STAB2: variants seen among roughly 807,000 people sequenced by gnomAD.
The protein encoded by STAB2 is stabilin 2.
Under a neutral mutation model 338.1 loss-of-function variants are expected in STAB2, and 288 were observed. The observed-to-expected ratio is 0.85, with a 90% CI of 0.77 to 0.94. The LOEUF (loss-of-function observed/expected upper bound fraction) is 0.94, where lower values mean the gene tolerates loss of function less well. Ranked by LOEUF, STAB2 falls within the 40% of genes least tolerant of loss-of-function variation. The pLI, the probability that STAB2 is intolerant of heterozygous loss-of-function variation, is 0.00. For missense variants in STAB2, 3,141 were observed against 3,210.1 expected (o/e 0.98, Z 0.52); for synonymous variants, 1,202 against 1,193.3 (o/e 1.01, Z -0.15).
In STAB2 at chr12:103,673,189, C is replaced by T. The variant is rs148675524; in HGVS notation, c.2372-718C>T. ...GCATGGGAGATCACTTCTATTTATT[C>T]CAGAATATCTTCATGAAAGGTGAGA... On this transcript the variant is annotated intron_variant, in intron 22 of 68. Transcript: ENST00000388887. Among the ~76,000 whole-genome samples the T allele has an allele frequency of 1.1e-3, 168 of 152,222 alleles. 1 individual carries two copies. Among genetic ancestry groups the T allele is most frequent in the African/African-American group, 3.8e-3 (158 of 41,520 alleles).
chr12:103,695,029 A>T lies in STAB2; in HGVS notation c.3376-521A>T, dbSNP rs575223435. Among the ~76,000 whole-genome samples, 15 of 152,316 alleles carry T rather than the reference A, an allele frequency of 9.8e-5. No individual in the cohort carries two copies. The South Asian group carries it at 3.1e-3, about 32-fold the overall frequency. On this transcript the variant is annotated intron_variant, in intron 31 of 68. Coordinates refer to ENST00000388887, the MANE Select transcript of STAB2 (RefSeq NM_017564.10). The stretch of plus-strand genomic sequence containing the variant: ...AGGCAATCTAAATTTATATGTAAAA[A>T]TGTCCTATTATTACATAGCACAAGC...
At chr12:103,619,516 G>GCCC (rs1456552218) in intron 3 of STAB2, among the ~76,000 whole-genome samples, 1 of 151,854 alleles carries the variant, frequency 6.6e-6, no homozygotes, top group Non-Finnish European at 1.5e-5. Context: ...ATGTCCCCCT[G>GCCC]CCCCACCATG....
At position 103,746,662 on chromosome 12, in the gene STAB2, G is replaced by A. The variant is rs763477905; in HGVS notation, c.6202G>A (p.Glu2068Lys). Residue 2068 changes from glutamate (E) to lysine (K), a missense_variant, in exon 58 of 69, where the codon GAG (glutamate) becomes AAG (lysine). Glu to Lys is a moderately conservative substitution (Grantham distance 56, BLOSUM62 1). Transcript: ENST00000388887. ...HATCKENNTC[E>K]CNLDYEGDGI... ...CACCTGTAAGGAGAACAACACGTGTGAGTGTAACCTGGATTATGAAGGTGA... is the reference window on the plus strand; with the variant it reads ...CACCTGTAAGGAGAACAACACGTGTAAGTGTAACCTGGATTATGAAGGTGA... The A allele has an allele frequency of 1.2e-6, 2 of 1,614,124 alleles. No individual in the cohort carries two copies. The highest frequency in any genetic ancestry group is 2.2e-5 in the South Asian group (2 of 91,078).
chr12:103,677,390 T>C (rs1368366420), intron 24 of STAB2, 63 bp from the exon 25 acceptor site: 6 of 1,530,298 alleles, frequency 3.9e-6, no homozygotes, highest in South Asian at 2.5e-5. Flanking sequence ...TTCTCTCTTA[T>C]TTTTGGAATC....
chr12:103,587,766 C>A (rs1873765274), intron 1 of STAB2, among the ~76,000 whole-genome samples: 2 of 152,188 alleles, frequency 1.3e-5, no homozygotes, highest in African/African-American at 4.8e-5. Context: ...ACTGAAGCGC[C>A]CCGCTGCTGT....
chr12:103,714,072 A>G (rs1457539151), intron 42 of STAB2, among the ~76,000 whole-genome samples: 3 of 152,256 alleles, frequency 2.0e-5, no homozygotes, highest in Non-Finnish European at 4.4e-5. Context: ...CTGTAGAAAA[A>G]GAAAGCACAT....
At chr12:103,678,420 A>G (rs1397635990) in intron 25 of STAB2, among the ~76,000 whole-genome samples, 2 of 152,236 alleles carry the variant, frequency 1.3e-5, no homozygotes, top group Non-Finnish European at 2.9e-5. Flanking sequence ...GCACAAGTTA[A>G]TAATCGGAGA....
chr12:103,587,732 T>G (rs1000824024), intron 1 of STAB2, among the ~76,000 whole-genome samples, 175 bp downstream of exon 1: 1 of 152,274 alleles, frequency 6.6e-6, no homozygotes, highest in African/African-American at 2.4e-5. Context: ...GAAGGTGTGC[T>G]AACCCACTTG....
chr12:103,722,208 T>C lies in STAB2; in HGVS notation c.4684-2767T>C, dbSNP rs556220195. ...GGAGGGGCCCTGGATATTAAGCCAT[T>C]GAGCAGAGGAAGAAGTACTTACGGA... On this transcript the variant is annotated intron_variant, in intron 44 of 68. Coordinates refer to ENST00000388887, the MANE Select transcript of STAB2 (RefSeq NM_017564.10). 5.3e-5 allele frequency among the ~76,000 whole-genome samples: 8 copies of C among 152,202 alleles called. No homozygotes were observed. In the South Asian group the frequency reaches 1.2e-3, roughly 24 times the overall value.
chr12:103,673,803 A>G, intron 22 of STAB2, 104 bp from the exon 23 acceptor site: 1 of 1,226,788 alleles, frequency 8.2e-7, no homozygotes, highest in Non-Finnish European at 1.1e-6. Context: ...GACAAGAGTG[A>G]GTGGGGGGTG....
intron 23 of STAB2, 127 bp from the exon 24 acceptor site, chr12:103,675,801 T>C (rs994870078): frequency 4.5e-6 from 3 of 660,964 alleles, no homozygotes; most frequent in Non-Finnish European, 7.7e-6. Flanking sequence ...ATTTGAGCGC[T>C]GGCTTCCTCC....
chr12:103,679,592 G>C (rs1876711890), intron 25 of STAB2, among the ~76,000 whole-genome samples: 1 of 152,162 alleles, frequency 6.6e-6, no homozygotes, highest in Admixed American at 6.5e-5. Flanking sequence ...GCTTCTCGGG[G>C]AGTGACAGTT....
intron 60 of STAB2, among the ~76,000 whole-genome samples, chr12:103,751,610 T>TG (rs1883658908): frequency 1.3e-5 from 2 of 152,116 alleles, no homozygotes; most frequent in Non-Finnish European, 2.9e-5. Flanking sequence ...CTACTTAGCA[T>TG]GGGGATAAAA....
chr12:103,613,486 C>T (rs1957160478), intron 3 of STAB2, among the ~76,000 whole-genome samples: 1 of 152,212 alleles, frequency 6.6e-6, no homozygotes, highest in African/African-American at 2.4e-5. Flanking sequence ...CCCTCCAAGC[C>T]ACGTGCGGGA....
intron 30 of STAB2, among the ~76,000 whole-genome samples, chr12:103,691,445 A>T (rs1290448642): frequency 6.6e-6 from 1 of 152,226 alleles, no homozygotes; most frequent in Non-Finnish European, 1.5e-5. Context: ...TTAATATCTT[A>T]TGATAATTCT....
At chr12:103,688,124 T>G (rs1231355923) in intron 27 of STAB2, 44 bp from the exon 28 acceptor site, 1 of 1,576,448 alleles carries the variant, frequency 6.3e-7, no homozygotes, top group Non-Finnish European at 8.7e-7. Flanking sequence ...TTTCTCTGTG[T>G]TCTCTCCCAT....
intron 54 of STAB2, among the ~76,000 whole-genome samples, chr12:103,740,418 A>G (rs909834320): frequency 1.3e-5 from 2 of 151,772 alleles, no homozygotes; most frequent in African/African-American, 2.4e-5. Flanking sequence ...AAATCTTCCC[A>G]TGGACCCTAG....
chr12:103,721,059 G>A (rs1242136261), intron 44 of STAB2, among the ~76,000 whole-genome samples: 1 of 152,114 alleles, frequency 6.6e-6, no homozygotes, highest in Non-Finnish European at 1.5e-5. Flanking sequence ...CTTTTATAAG[G>A]GCACTAATCC....
chr12:103,640,274 C>A lies in STAB2; in HGVS notation c.1040+18C>A, dbSNP rs1872825396. The A allele has an allele frequency of 6.3e-7, 1 of 1,599,802 alleles. No individual in the cohort carries two copies. On this transcript the variant is annotated intron_variant, in intron 9 of 68. Transcript: ENST00000388887. ...CGAACTGAGTAAGTCTTTTCAATTC[C>A]TCCACCAACATTTCCAAGTGGTGAA...
Sources: allele counts gnomAD v4.1 joint callset (sites outside exome capture counted in the v4.1 genomes callset), GRCh38; gene constraint gnomAD v4.1.1; transcripts MANE v1.5; gene names NCBI Gene and HGNC (gene_info 2026-07-23, HGNC 2026-07-21).